The following R3HDM1 variants were observed in gnomAD, a reference collection of about 807,000 sequenced individuals.
R3HDM1 encodes R3H domain-containing protein 1.
In R3HDM1, 46 loss-of-function variants were observed where a neutral mutation model predicts 141.1. The observed-to-expected ratio is 0.33, with a 90% CI of 0.26 to 0.42. R3HDM1 has a LOEUF of 0.42. Ranked by LOEUF, R3HDM1 falls within the 10% of genes least tolerant of loss-of-function variation. The pLI is 1.00. For missense variants in R3HDM1, 1,184 were observed against 1,368.3 expected (o/e 0.87, Z 2.12); for synonymous variants, 435 against 472.9 (o/e 0.92, Z 1.04).
chr2:135,550,695 G>A (rs1699676039), intron 1 of R3HDM1, among the ~76,000 whole-genome samples: 1 of 152,000 alleles, frequency 6.6e-6, no homozygotes, highest in South Asian at 2.1e-4. Flanking sequence ...ATCTATTTGA[G>A]TCAAAATTTC....
At chr2:135,575,214 G>GT (rs1705125915) in intron 1 of R3HDM1, among the ~76,000 whole-genome samples, 1 of 152,148 alleles carries the variant, frequency 6.6e-6, no homozygotes, top group Non-Finnish European at 1.5e-5. Flanking sequence ...GACCCAAACT[G>GT]TTTTTTGGTT....
Position 135,531,542 on chromosome 2 carries a change from C to G in R3HDM1, c.-341C>G, listed in dbSNP as rs535657790. The G allele has an allele frequency of 7.1e-6, 7 of 985,786 alleles. No individual in the cohort carries two copies. The East Asian group carries it at 5.7e-4, about 80-fold the overall frequency. The allele number at this position is 985,786 out of a possible 1,614,324, so 61.1% of individuals were successfully genotyped here. ...GTCCGGGCTGGTGATGGGGTTAATT[C>G]CCTTTCGTAAGACTCTTACTTGCAC... On this transcript the variant is annotated 5_prime_UTR_variant, in exon 1 of 27. Coordinates refer to ENST00000683871, the MANE Select transcript of R3HDM1 (RefSeq NM_001378107.1).
rs771600130 is a variant in R3HDM1 at position 135,651,904 on chromosome 2, C to G, written c.1900C>G (p.Pro634Ala). Residue 634 changes from proline (P) to alanine (A), a missense_variant, in exon 18 of 27, where the codon CCA becomes GCA. Pro to Ala is a conservative substitution (Grantham distance 27). Coordinates refer to ENST00000683871, the MANE Select transcript of R3HDM1 (RefSeq NM_001378107.1). The stretch of plus-strand genomic sequence containing the variant: ...ACCACATCCTCCTCCACCGCCACCA[C>G]CACCACCTCCTCCTCCTCCCCTACC... ...PPPHPPPPPP[P>A]PPPPPPLPPG... 6.2e-7 allele frequency: 1 copy of G among 1,613,750 alleles called. No individual in the cohort carries two copies. Among genetic ancestry groups the G allele is most frequent in the Admixed American group, 1.7e-5 (1 of 60,012 alleles).
intron 1 of R3HDM1, among the ~76,000 whole-genome samples, chr2:135,540,890 A>C (rs1697330829): frequency 6.6e-6 from 1 of 152,250 alleles, no homozygotes; most frequent in African/African-American, 2.4e-5. Context: ...GGGCTGAAAA[A>C]TACATGTGTT....
chr2:135,579,979 G>A (rs1368084581), intron 1 of R3HDM1, among the ~76,000 whole-genome samples: 1 of 152,120 alleles, frequency 6.6e-6, no homozygotes, highest in Admixed American at 6.5e-5. Context: ...TAGGGGCCGG[G>A]CATAGTGGCT....
intron 3 of R3HDM1, among the ~76,000 whole-genome samples, chr2:135,610,988 T>C (rs2060483248): frequency 6.6e-6 from 1 of 151,852 alleles, no homozygotes; most frequent in African/African-American, 2.4e-5. Flanking sequence ...TACATACCTG[T>C]AGTCACAGTT....
chr2:135,682,160 T>G (rs1379956240), intron 21 of R3HDM1, among the ~76,000 whole-genome samples: 1 of 150,948 alleles, frequency 6.6e-6, no homozygotes, highest in Non-Finnish European at 1.5e-5. Flanking sequence ...AATTGATGAT[T>G]TATCTACTTT....
chr2:135,658,574 A>AT (rs980126669), intron 18 of R3HDM1, among the ~76,000 whole-genome samples: 3 of 152,166 alleles, frequency 2.0e-5, no homozygotes, highest in African/African-American at 7.2e-5. Context: ...GGCCTGGGAC[A>AT]TTTTACTACT....
chr2:135,630,281 C>CAAAAAAAAAAAAAAAAAAAAAAAAAA (rs911009655), intron 7 of R3HDM1, among the ~76,000 whole-genome samples: 1 of 39,298 alleles, frequency 2.5e-5, no homozygotes, highest in African/African-American at 9.2e-5. Flanking sequence ...CCTTCTCAAC[C>CAAAAAAAAAAAAAAAAAAAAAAAAAA]AAAAAAAAAA....
At chr2:135,551,602 G>A (rs1157165967) in intron 1 of R3HDM1, among the ~76,000 whole-genome samples, 1 of 152,172 alleles carries the variant, frequency 6.6e-6, no homozygotes, top group Non-Finnish European at 1.5e-5. Context: ...ACGTTGAATT[G>A]CATAGGAACA....
chr2:135,679,545 T>C (rs1290334313), intron 20 of R3HDM1, among the ~76,000 whole-genome samples: 1 of 152,242 alleles, frequency 6.6e-6, no homozygotes, highest in Non-Finnish European at 1.5e-5. Flanking sequence ...GCCTGATTTT[T>C]ACTTAGTTCT....
At chr2:135,581,520 TAGTATCTCCTCTCTATGACATGTTA>T in intron 1 of R3HDM1, 1 of 489,326 alleles carries the variant, frequency 2.0e-6, no homozygotes, top group Non-Finnish European at 2.7e-6. Flanking sequence ...CACTTATTAA[TAGTATCTCCTCTCTATGACATGTTA>T]AGTTGAAGAG....
At chr2:135,703,301 T>C (rs1005314538) in intron 21 of R3HDM1, among the ~76,000 whole-genome samples, 2 of 152,232 alleles carry the variant, frequency 1.3e-5, no homozygotes, top group Admixed American at 6.5e-5. Context: ...TTGGGCAAGA[T>C]TTCCAGCCCA....
At chr2:135,594,778 A>G (rs1409589033) in intron 1 of R3HDM1, among the ~76,000 whole-genome samples, 1 of 151,630 alleles carries the variant, frequency 6.6e-6, no homozygotes, top group African/African-American at 2.4e-5. Flanking sequence ...CCTTCTTATT[A>G]CCTTTCTTCC....
At chr2:135,672,542 T>C (rs1313044421) in intron 19 of R3HDM1, among the ~76,000 whole-genome samples, 1 of 152,216 alleles carries the variant, frequency 6.6e-6, no homozygotes, top group Non-Finnish European at 1.5e-5. Flanking sequence ...TTTATACTGC[T>C]ATCCTCATAC....
intron 23 of R3HDM1, 21 bp downstream of exon 23, chr2:135,710,252 A>G (rs372825420): frequency 6.3e-7 from 1 of 1,596,576 alleles, no homozygotes; most frequent in African/African-American, 1.3e-5. Context: ...TTTGTTCATT[A>G]TCATTTTGAA....
chr2:135,619,961 T>C (rs2061391212), intron 5 of R3HDM1, among the ~76,000 whole-genome samples: 1 of 152,210 alleles, frequency 6.6e-6, no homozygotes, highest in African/African-American at 2.4e-5. Flanking sequence ...AGATTTTGTG[T>C]ATAAGAACTT....
In R3HDM1 at chr2:135,720,704, A is replaced by G. The variant is rs2076620121; in HGVS notation, c.2882-1220A>G. Among the ~76,000 whole-genome samples, 3 of 152,232 alleles carry G rather than the reference A, an allele frequency of 2.0e-5. No individual in the cohort carries two copies. The South Asian group carries it at 6.2e-4, about 31-fold the overall frequency. On this transcript the variant is annotated intron_variant, in intron 24 of 26. Transcript: ENST00000683871. ...CAAATTATAAATGCAAATTTCACTT[A>G]AAGATTAAGAAGAGCAGACTTAAGA...
At chr2:135,671,906 G>A (rs1028154746) in intron 19 of R3HDM1, among the ~76,000 whole-genome samples, 3 of 151,900 alleles carry the variant, frequency 2.0e-5, no homozygotes, top group African/African-American at 7.3e-5. Flanking sequence ...AACCCAGGAG[G>A]TGGAGGTTGC....
Sources: allele counts gnomAD v4.1 joint callset (sites outside exome capture counted in the v4.1 genomes callset), GRCh38; gene constraint gnomAD v4.1.1; transcripts MANE v1.5; gene names NCBI Gene and HGNC (gene_info 2026-07-23, HGNC 2026-07-21).